GREB1: variants seen among roughly 807,000 people sequenced by gnomAD.
GREB1 encodes protein GREB1.
A neutral mutation model predicts 200.7 loss-of-function variants in GREB1; 106 were observed. The ratio of observed to expected loss-of-function variants is 0.53; its 90% CI spans 0.45 to 0.62. The LOEUF (loss-of-function observed/expected upper bound fraction) is 0.62. Ranked by LOEUF, GREB1 falls within the 20% of genes least tolerant of loss-of-function variation. The pLI, the probability that GREB1 is intolerant of heterozygous loss-of-function variation, is 0.00. For missense variants in GREB1, 2,243 were observed against 2,556.8 expected, an observed-to-expected ratio of 0.88 and a Z score of 2.65; for synonymous variants, 1,132 against 1,092.4, an observed-to-expected ratio of 1.04 and a Z score of -0.72.
At chr2:11,630,618 C>G (rs1179791971) in intron 26 of GREB1, among the ~76,000 whole-genome samples, 1 of 152,228 alleles carries the variant, frequency 6.6e-6, no homozygotes, top group Non-Finnish European at 1.5e-5. Context: ...TCCCTCTCTC[C>G]TCTTCTGCCT....
intron 1 of GREB1, among the ~76,000 whole-genome samples, chr2:11,541,813 A>C (rs1455394326): frequency 1.3e-5 from 2 of 151,922 alleles, no homozygotes; most frequent in Non-Finnish European, 2.9e-5. Flanking sequence ...CCCTGCATAC[A>C]CCTCATGCTG....
chr2:11,538,371 C>CA (rs1553346988), intron 1 of GREB1, among the ~76,000 whole-genome samples: 6 of 151,900 alleles, frequency 3.9e-5, no homozygotes, highest in Non-Finnish European at 7.4e-5. Context: ...CCTCTTTAAC[C>CA]TTTTTTTACA....
chr2:11,607,595 T>TATATATACATATAGATAC (rs1553373774), intron 17 of GREB1, among the ~76,000 whole-genome samples: 70,065 of 136,312 alleles, frequency 0.51, 18,849 homozygotes, highest in South Asian at 0.73. Flanking sequence ...CATATATACA[T>TATATATACATATAGATAC]ATATATACAT....
intron 1 of GREB1, among the ~76,000 whole-genome samples, chr2:11,507,006 TAATC>T (rs749380624): frequency 2.6e-5 from 4 of 152,246 alleles, no homozygotes; most frequent in Non-Finnish European, 5.9e-5. Context: ...AATTACAAGA[TAATC>T]AATAACTTAT....
chr2:11,551,787 A>G (rs1025765156), intron 1 of GREB1, among the ~76,000 whole-genome samples: 9 of 152,192 alleles, frequency 5.9e-5, no homozygotes, highest in Non-Finnish European at 1.2e-4. Context: ...GAAGTGGAGC[A>G]GGACGAGCCG....
intron 21 of GREB1, among the ~76,000 whole-genome samples, chr2:11,617,440 G>A (rs1415011538): frequency 6.6e-6 from 1 of 152,236 alleles, no homozygotes; most frequent in African/African-American, 2.4e-5. Flanking sequence ...CTGACCTCAG[G>A]GAACGAACTC....
At chr2:11,601,039 T>C in intron 16 of GREB1, 44 bp downstream of exon 16, 6 of 1,509,116 alleles carry the variant, frequency 4.0e-6, no homozygotes, top group Non-Finnish European at 4.6e-6. Flanking sequence ...GCAATATCAC[T>C]TGGGTTTGCA....
Position 11,640,595 on chromosome 2 carries a change from A to G in GREB1, c.*141A>G. 5.4e-6 allele frequency: 5 copies of G among 922,644 alleles called. No individual in the cohort carries two copies. The highest frequency in any genetic ancestry group is 8.2e-6 in the Non-Finnish European group (5 of 607,576). The allele number at this position is 922,644 out of a possible 1,614,324, so 57.2% of individuals were successfully genotyped here. A position where few individuals can be genotyped will look rare whatever the true frequency, so the allele number is the denominator to read the frequency against. On this transcript the variant is annotated 3_prime_UTR_variant, in exon 33 of 33. Transcript: ENST00000381486. This position sits in a 1 kb window ranked among gnomAD's most constrained non-coding sequence, Gnocchi z 4.6. ...CCAGGTGCAGCCCCTCCTAGTACAC[A>G]TGGGCCCCCGAGGCCGTGGTCCTGG...
chr2:11,541,003 A>G (rs1448131884), intron 1 of GREB1, among the ~76,000 whole-genome samples: 2 of 152,210 alleles, frequency 1.3e-5, no homozygotes, highest in Non-Finnish European at 2.9e-5. Flanking sequence ...TGGCTGGGGA[A>G]TTCTTCCAGT....
At chr2:11,499,915 C>A (rs1005451731) in intron 1 of GREB1, among the ~76,000 whole-genome samples, 8 of 151,886 alleles carry the variant, frequency 5.3e-5, no homozygotes, top group African/African-American at 1.9e-4. Flanking sequence ...TACATAATTT[C>A]TTTATATTAT....
At chr2:11,569,431 C>T (rs1193619374) in intron 4 of GREB1, among the ~76,000 whole-genome samples, 1 of 152,138 alleles carries the variant, frequency 6.6e-6, no homozygotes, top group African/African-American at 2.4e-5. Context: ...CATGGTCCAG[C>T]AGAGACGGTA....
In GREB1 at chr2:11,556,779, A is replaced by T; in HGVS notation, c.157+8A>T. ...AGCTTGCCGCTCTAGAAGGTGGGAG[A>T]CGCACGTTGCTTTTATCTGTGTATT... On this transcript the variant is annotated splice_region_variant and intron_variant, in intron 2 of 32. Transcript: ENST00000381486. 1 of 1,612,118 alleles carries T rather than the reference A, an allele frequency of 6.2e-7. No individual in the cohort carries two copies. Among genetic ancestry groups the T allele is most frequent in the Non-Finnish European group, 8.5e-7 (1 of 1,178,932 alleles).
At position 11,607,526 on chromosome 2, in the gene GREB1, A is replaced by G. The variant is rs558509615; in HGVS notation, c.2667-3162A>G. ...TATACATATATGTACATACATATAT[A>G]TACACATATATATACATATATGTAC... On this transcript the variant is annotated intron_variant, in intron 17 of 32. Coordinates refer to ENST00000381486, the MANE Select transcript of GREB1 (RefSeq NM_014668.4). Among the ~76,000 whole-genome samples, 337 of 94,628 alleles carry G rather than the reference A, an allele frequency of 3.6e-3. 1 individual carries two copies. The highest frequency in any genetic ancestry group is 0.013 in the African/African-American group (312 of 24,246). The allele number at this position is 94,628 out of a possible 152,430, so 62.1% of individuals were successfully genotyped here. A position where few individuals can be genotyped will look rare whatever the true frequency, so the allele number is the denominator to read the frequency against.
chr2:11,538,639 T>TCCC (rs1273078198), intron 1 of GREB1, among the ~76,000 whole-genome samples: 12 of 23,278 alleles, frequency 5.2e-4, no homozygotes, highest in South Asian at 7.5e-3. Flanking sequence ...CTTTCTTTCT[T>TCCC]TCTTTCTTTC....
chr2:11,575,860 T>C (rs1162241254), intron 4 of GREB1, among the ~76,000 whole-genome samples: 1 of 152,196 alleles, frequency 6.6e-6, no homozygotes, highest in Admixed American at 6.5e-5. Flanking sequence ...GGATGGCTCT[T>C]GTCTTGCAAA....
chr2:11,624,627 G>A (rs1316083412), intron 23 of GREB1, among the ~76,000 whole-genome samples: 1 of 151,892 alleles, frequency 6.6e-6, no homozygotes, highest in Admixed American at 6.6e-5. Flanking sequence ...TTACAGGCAT[G>A]AGCCACCATG....
Position 11,490,365 on chromosome 2 carries a change from C to T in GREB1, c.-159+7984C>T, listed in dbSNP as rs184878616. Reference sequence around the variant, plus strand: ...TCGGCATGTGTTTTCAAGGTTTACCCGTGTTGTAGCATGTATCAGAACTTC... The same window carrying T: ...TCGGCATGTGTTTTCAAGGTTTACCTGTGTTGTAGCATGTATCAGAACTTC... On this transcript the variant is annotated intron_variant, in intron 1 of 2. Coordinates refer to the GREB1 transcript ENST00000628795. Among the ~76,000 whole-genome samples the T allele has an allele frequency of 1.4e-4, 21 of 152,278 alleles. No homozygotes were observed. The East Asian group carries it at 2.1e-3, about 15-fold the overall frequency.
intron 11 of GREB1, among the ~76,000 whole-genome samples, chr2:11,595,025 T>C (rs1681085092): frequency 6.7e-6 from 1 of 148,196 alleles, no homozygotes; most frequent in Non-Finnish European, 1.5e-5. Context: ...ATTATTTACC[T>C]TGATGTGAGT....
Position 11,612,247 on chromosome 2 carries a change from C to T in GREB1, c.3007-248C>T, listed in dbSNP as rs149710181. 1.8e-3 allele frequency: 1,735 copies of T among 978,412 alleles called. 23 individuals carry two copies. In the African/African-American group the frequency reaches 0.026, roughly 14 times the overall value. The allele number at this position is 978,412 out of a possible 1,614,324, so 60.6% of individuals were successfully genotyped here. On this transcript the variant is annotated intron_variant, in intron 18 of 32. Transcript: ENST00000381486. ...AGCTGACAACATAGACTTCCTTTCA[C>T]GGAGCTGGTCAGCTGATAGAGATGT...
Sources: gnomAD v4.1 joint callset for allele counts (sites outside exome capture counted in the v4.1 genomes callset) on GRCh38, gnomAD v4.1.1 for gene constraint, Gnocchi (gnomAD v3.1) non-coding constraint, MANE v1.5 for transcripts, NCBI Gene and HGNC (gene_info 2026-07-23, HGNC 2026-07-21) for gene names.